Variants in ZNF486 observed in about 807,000 individuals in gnomAD.
ZNF486 encodes the protein KRAB box only protein 2.
A neutral mutation model predicts 12.8 loss-of-function variants in ZNF486; 12 were observed. The observed-to-expected ratio is 0.94, with a 90% CI of 0.60 to 1.52. The LOEUF (loss-of-function observed/expected upper bound fraction) is 1.52. Among genes scored for constraint, ZNF486 ranks in the 40% most tolerant of loss-of-function variants. The pLI is 0.00. For synonymous variants in ZNF486, 231 were observed against 184.9 expected (o/e 1.25, Z -2.02); for missense variants, 738 against 545.0 (o/e 1.35, Z -3.53).
Position 20,196,473 on chromosome 19 carries a change from G to A in ZNF486, c.254-491G>A, listed in dbSNP as rs374037397. ...CCTCCTGAGCAGTTGGAATTACAGC[G>A]GCCCATGACCATGACTGGCTAACTT... is the stretch of plus-strand genomic sequence containing the variant. On this transcript the variant is annotated intron_variant, in intron 3 of 3. Transcript: ENST00000335117. 2.2e-4 allele frequency among the ~76,000 whole-genome samples: 34 copies of A among 152,056 alleles called. No individual in the cohort carries two copies. The East Asian group carries it at 4.1e-3, about 18-fold the overall frequency.
chr19:20,176,854 C>T (rs2089724084), intron 1 of ZNF486: 1 of 152,368 alleles, frequency 6.6e-6, no homozygotes, highest in African/African-American at 2.4e-5. Flanking sequence ...AGTCGAAGCC[C>T]TATTAATTAA....
At chr19:20,181,456 G>GT (rs1272302319) in intron 1 of ZNF486, among the ~76,000 whole-genome samples, 1 of 150,956 alleles carries the variant, frequency 6.6e-6, no homozygotes, top group Non-Finnish European at 1.5e-5. Flanking sequence ...GGAGAATGGC[G>GT]TGAACCCAGG....
chr19:20,178,135 C>T (rs549014740), intron 1 of ZNF486, among the ~76,000 whole-genome samples: 91 of 151,494 alleles, frequency 6.0e-4, no homozygotes, highest in African/African-American at 2.1e-3. Context: ...ACCATGTTGG[C>T]CAGGCTGGTC....
At chr19:20,187,388 C>G (rs1208782767) in intron 3 of ZNF486, among the ~76,000 whole-genome samples, 3 of 151,716 alleles carry the variant, frequency 2.0e-5, no homozygotes, top group African/African-American at 7.3e-5. Context: ...ATTTCTTTGA[C>G]TAATTCTTCT....
intron 1 of ZNF486, among the ~76,000 whole-genome samples, chr19:20,170,473 A>G (rs1223789430): frequency 6.6e-6 from 1 of 151,920 alleles, no homozygotes; most frequent in Non-Finnish European, 1.5e-5. Context: ...AGGCTGAGGC[A>G]GGAGAATTGC....
chr19:20,178,808 T>G (rs1216598189), intron 1 of ZNF486, among the ~76,000 whole-genome samples: 2 of 152,196 alleles, frequency 1.3e-5, no homozygotes, highest in East Asian at 3.9e-4. Flanking sequence ...CAATCAATCA[T>G]TTTATCTCTT....
chr19:20,171,677 C>A (rs1352128970), intron 1 of ZNF486, among the ~76,000 whole-genome samples: 2 of 152,234 alleles, frequency 1.3e-5, no homozygotes, highest in African/African-American at 4.8e-5. Context: ...TCATTCCATT[C>A]ACCTACATTG....
chr19:20,170,710 A>G (rs2089639539), intron 1 of ZNF486, among the ~76,000 whole-genome samples: 2 of 152,230 alleles, frequency 1.3e-5, no homozygotes, highest in Admixed American at 6.5e-5. Context: ...CATAATGGGA[A>G]GGGTGTTTCT....
chr19:20,190,830 G>A (rs2089894845), intron 3 of ZNF486, among the ~76,000 whole-genome samples: 1 of 152,128 alleles, frequency 6.6e-6, no homozygotes, highest in Admixed American at 6.5e-5. Context: ...TGGTTTCCAT[G>A]TTCATGTTCT....
chr19:20,187,858 G>C (rs1555716743), intron 3 of ZNF486, among the ~76,000 whole-genome samples: 1 of 152,000 alleles, frequency 6.6e-6, no homozygotes. Flanking sequence ...GGGCCCTTAG[G>C]GTGATGAGAT....
chr19:20,193,749 T>A (rs1432630629), intron 3 of ZNF486, among the ~76,000 whole-genome samples: 1 of 152,118 alleles, frequency 6.6e-6, no homozygotes, highest in Non-Finnish European at 1.5e-5. Context: ...CTTACTGTTA[T>A]TTTTATTAAT....
rs575014045 is a variant in ZNF486, at chr19:20,181,449, G to A, written c.31-2907G>A. 2.6e-5 allele frequency among the ~76,000 whole-genome samples: 4 copies of A among 151,616 alleles called. No individual in the cohort carries two copies. In the South Asian group the frequency reaches 6.2e-4, roughly 24 times the overall value. On this transcript the variant is annotated intron_variant, in intron 1 of 3. Transcript: ENST00000335117. ...AGCTACTGAGGAGGCTGAGGCAGGA[G>A]AATGGCGTGAACCCAGGAGGCGGAG...
chr19:20,183,626 TTAA>T (rs2089810567), intron 1 of ZNF486, among the ~76,000 whole-genome samples: 1 of 152,214 alleles, frequency 6.6e-6, no homozygotes, highest in Non-Finnish European at 1.5e-5. Context: ...CAGTTAATGG[TTAA>T]TGATTCAGTT....
chr19:20,181,700 T>A (rs1375167115), intron 1 of ZNF486, among the ~76,000 whole-genome samples: 3 of 151,370 alleles, frequency 2.0e-5, no homozygotes, highest in African/African-American at 7.3e-5. Flanking sequence ...AAAGTAAATA[T>A]GAACAGAATA....
At chr19:20,184,015 C>G (rs537658355) in intron 1 of ZNF486, among the ~76,000 whole-genome samples, 1 of 152,098 alleles carries the variant, frequency 6.6e-6, no homozygotes, top group Non-Finnish European at 1.5e-5. Context: ...ACTTCTAACT[C>G]AACATGTCTT....
chr19:20,181,232 C>G (rs1433360734), intron 1 of ZNF486, among the ~76,000 whole-genome samples: 3 of 151,038 alleles, frequency 2.0e-5, no homozygotes, highest in Non-Finnish European at 3.0e-5. Flanking sequence ...TCCCTGAATC[C>G]CAAAAGCAGA....
chr19:20,196,208 G>GTT (rs1370681911), intron 3 of ZNF486, among the ~76,000 whole-genome samples: 1 of 152,120 alleles, frequency 6.6e-6, no homozygotes, highest in Non-Finnish European at 1.5e-5. Context: ...TAGAGATGGG[G>GTT]TTTTACCGTG....
chr19:20,188,742 A>C, intron 3 of ZNF486: 1 of 320,262 alleles, frequency 3.1e-6, no homozygotes, highest in Non-Finnish European at 5.6e-6. Context: ...TGTAAAACTA[A>C]AACTCAATAC....
chr19:20,193,000 T>C (rs562050064), intron 3 of ZNF486, among the ~76,000 whole-genome samples: 76 of 152,300 alleles, frequency 5.0e-4, no homozygotes, highest in African/African-American at 1.5e-3. Flanking sequence ...TGTTTTACTT[T>C]CTTAATTTTC....
Sources: allele counts gnomAD v4.1 joint callset (sites outside exome capture counted in the v4.1 genomes callset), GRCh38; gene constraint gnomAD v4.1.1; transcripts MANE v1.5; gene names NCBI Gene and HGNC (gene_info 2026-07-23, HGNC 2026-07-21).